DEFB129: variants seen among roughly 807,000 people sequenced by gnomAD.
The protein encoded by DEFB129 is beta-defensin 129.
In DEFB129, 2 loss-of-function variants were observed where a neutral mutation model predicts 2.5. That is an observed-to-expected ratio of 0.80 (90% CI 0.33 to 2.53). The LOEUF is 2.53. Among genes scored for constraint, DEFB129 ranks in the 30% most tolerant of loss-of-function variants. The pLI, the probability that DEFB129 is intolerant of heterozygous loss-of-function variation, is 0.11. For synonymous variants in DEFB129, 76 were observed against 74.4 expected, an observed-to-expected ratio of 1.02 and a Z score of -0.11; for missense variants, 177 against 216.9, an observed-to-expected ratio of 0.82 and a Z score of 1.16.
At chr20:227,765 A>G (rs772594619) in intron 1 of DEFB129, among the ~76,000 whole-genome samples, 5 of 151,516 alleles carry the variant, frequency 3.3e-5, no homozygotes, top group African/African-American at 4.9e-5. Flanking sequence ...AATGTGTGTC[A>G]TGGTTATTTG....
Position 227,409 on chromosome 20 carries a change from G to T in DEFB129, c.58+63G>T, listed in dbSNP as rs1458110439. 70 of 1,578,082 alleles carry T rather than the reference G, an allele frequency of 4.4e-5. No homozygotes were observed. In the Admixed American group the frequency reaches 1.1e-3, roughly 24 times the overall value. ...AGGAACCAAGGATTTGGCTGCCCAT[G>T]ACAATGGAAACCCAAAGAGAGGAGA... On this transcript the variant is annotated intron_variant, in intron 1 of 1. Transcript: ENST00000246105.
chr20:229,245 C>T, intron 1 of DEFB129, 33 bp from the exon 2 acceptor site: 1 of 1,540,836 alleles, frequency 6.5e-7, no homozygotes, highest in South Asian at 1.3e-5. Flanking sequence ...AGTTATTAAC[C>T]TTGGCTCAAT....
Position 227,286 on chromosome 20 carries a change from A to G in DEFB129, c.-3A>G, listed in dbSNP as rs1194385302. 1.9e-6 allele frequency: 3 copies of G among 1,614,100 alleles called. No individual in the cohort carries two copies. Among genetic ancestry groups the G allele is most frequent in the South Asian group, 1.1e-5 (1 of 91,080 alleles). On this transcript the variant is annotated 5_prime_UTR_variant, in exon 1 of 2. Coordinates refer to ENST00000246105, the MANE Select transcript of DEFB129 (RefSeq NM_080831.4). ...TTCAAGGCTTCCTCTCTGGCACCCA[A>G]CCATGAAGCTCCTTTTTCCTATCTT...
At chr20:228,192 A>G (rs1266453118) in intron 1 of DEFB129, among the ~76,000 whole-genome samples, 3 of 152,242 alleles carry the variant, frequency 2.0e-5, no homozygotes, top group Non-Finnish European at 4.4e-5. Flanking sequence ...GAATACAAGA[A>G]TCATCCAGCT....
At chr20:228,204 T>C (rs766448515) in intron 1 of DEFB129, among the ~76,000 whole-genome samples, 7 of 152,204 alleles carry the variant, frequency 4.6e-5, no homozygotes, top group Non-Finnish European at 8.8e-5. Context: ...CATCCAGCTA[T>C]TTGAAAAAAT....
intron 1 of DEFB129, 102 bp from the exon 2 acceptor site, chr20:229,176 T>C (rs1449462471): frequency 1.4e-6 from 2 of 1,428,126 alleles, no homozygotes; most frequent in African/African-American, 2.9e-5. Context: ...TAAAATGTAG[T>C]ATGAGTAAAC....
Position 229,283 on chromosome 20 carries a change from A to G in DEFB129, c.64A>G (p.Ile22Val). 1 of 1,570,908 alleles carries G rather than the reference A, an allele frequency of 6.4e-7. No homozygotes were observed. Among genetic ancestry groups the G allele is most frequent in the East Asian group, 2.2e-5 (1 of 44,664 alleles). ...CTTTCTCTTTTTTTATACAGAATTTATTGGCTTGAGACGCTGTTTAATGGG... is the reference window on the plus strand; with the variant it reads ...CTTTCTCTTTTTTTATACAGAATTTGTTGGCTTGAGACGCTGTTTAATGGG... ...MLQYQVNTEFIGLRRCLMGLG... is the reference protein window; with the variant it reads ...MLQYQVNTEFVGLRRCLMGLG... The change falls in exon 2 of 2, where the codon ATT (isoleucine) becomes GTT (valine). Residue 22 changes from isoleucine (I) to valine (V), a missense_variant. Coordinates refer to ENST00000246105, the MANE Select transcript of DEFB129 (RefSeq NM_080831.4).
In DEFB129 at chr20:229,775, G is replaced by A. The variant is rs1228023749; in HGVS notation, c.*4G>A. ...AGAGGAAGCAGAAGAGCAGTAATGT[G>A]GATCTTTCCCTTAAAACTCCAAGTT... On this transcript the variant is annotated 3_prime_UTR_variant, in exon 2 of 2. Transcript: ENST00000246105. 2.5e-6 allele frequency: 4 copies of A among 1,598,754 alleles called. No homozygotes were observed. Among genetic ancestry groups the A allele is most frequent in the Non-Finnish European group, 3.4e-6 (4 of 1,175,944 alleles).
In DEFB129 at chr20:229,597, C is replaced by T. The variant is rs770733738; in HGVS notation, c.378C>T (p.Asn126=). ...FVIIPNATPM[N]SATISTMTPG... The stretch of plus-strand genomic sequence containing the variant: ...TCATTCCAAATGCCACCCCTATGAA[C>T]TCTGCCACCATCAGCACTATGACCC... Residue 126 remains asparagine, a synonymous_variant, in exon 2 of 2, where the codon AAC becomes AAT. Transcript: ENST00000246105. 1.4e-5 allele frequency: 23 copies of T among 1,614,050 alleles called. No homozygotes were observed. Among genetic ancestry groups the T allele is most frequent in the Admixed American group, 1.2e-4 (7 of 60,004 alleles).
chr20:229,783 C>T lies in DEFB129; in HGVS notation c.*12C>T, dbSNP rs773582497. The stretch of plus-strand genomic sequence containing the variant: ...CAGAAGAGCAGTAATGTGGATCTTT[C>T]CCTTAAAACTCCAAGTTCCTCTCTA... On this transcript the variant is annotated 3_prime_UTR_variant, in exon 2 of 2. Coordinates refer to ENST00000246105, the MANE Select transcript of DEFB129 (RefSeq NM_080831.4). 2 of 1,594,196 alleles carry T rather than the reference C, an allele frequency of 1.3e-6. No homozygotes were observed. Among genetic ancestry groups the T allele is most frequent in the South Asian group, 2.2e-5 (2 of 89,414 alleles).
chr20:227,569 G>A (rs1055598995), intron 1 of DEFB129, among the ~76,000 whole-genome samples: 3 of 152,056 alleles, frequency 2.0e-5, no homozygotes, highest in African/African-American at 7.2e-5. Flanking sequence ...GAGAAAGCAG[G>A]GTATTTTTTG....
chr20:229,610 A>C lies in DEFB129; in HGVS notation c.391A>C (p.Ser131Arg), dbSNP rs745507951. The change falls in exon 2 of 2, where the codon AGC (serine) becomes CGC (arginine). Residue 131 changes from serine (S) to arginine (R), a missense_variant. By Grantham distance (110) the Ser-to-Arg change is moderately radical. Transcript: ENST00000246105. ...NATPMNSATI[S>R]TMTPGQITYT... ...CACCCCTATGAACTCTGCCACCATC[A>C]GCACTATGACCCCAGGACAGATCAC... 2.5e-6 allele frequency: 4 copies of C among 1,614,052 alleles called. No homozygotes were observed. Among genetic ancestry groups the C allele is most frequent in the Non-Finnish European group, 3.4e-6 (4 of 1,180,038 alleles).
chr20:228,393 TG>T (rs1300456581), intron 1 of DEFB129, among the ~76,000 whole-genome samples: 1 of 152,344 alleles, frequency 6.6e-6, no homozygotes, highest in South Asian at 2.1e-4. Context: ...ATGAGTATAA[TG>T]GGGTTAATCA....
chr20:228,124 G>A (rs2011302038), intron 1 of DEFB129, among the ~76,000 whole-genome samples: 1 of 152,172 alleles, frequency 6.6e-6, no homozygotes, highest in Admixed American at 6.5e-5. Context: ...AAAAGGCTAA[G>A]CCAGGGGATT....
Position 229,315 on chromosome 20 carries a change from G to A in DEFB129, c.96G>A (p.Gly32=), listed in dbSNP as rs1265382392. Residue 32 remains glycine (G), a synonymous_variant, in exon 2 of 2, where the codon GGG becomes GGA. Coordinates refer to ENST00000246105, the MANE Select transcript of DEFB129 (RefSeq NM_080831.4). ...TGAGACGCTGTTTAATGGGTTTGGGGAGATGCAGGGATCACTGCAATGTGG... is the reference window on the plus strand; with the variant it reads ...TGAGACGCTGTTTAATGGGTTTGGGAAGATGCAGGGATCACTGCAATGTGG... ...IGLRRCLMGL[G]RCRDHCNVDE... is the part of the protein sequence containing the mutation. 5.0e-6 allele frequency: 8 copies of A among 1,611,382 alleles called. No individual in the cohort carries two copies. Among genetic ancestry groups the A allele is most frequent in the Non-Finnish European group, 4.2e-6 (5 of 1,179,024 alleles).
chr20:227,703 T>TAA (rs368703341), intron 1 of DEFB129, among the ~76,000 whole-genome samples: 2 of 151,722 alleles, frequency 1.3e-5, no homozygotes, highest in African/African-American at 4.8e-5. Context: ...CCTTTTTTTT[T>TAA]AAAAAAAGTC....
chr20:229,814 G>A lies in DEFB129; in HGVS notation c.*43G>A, dbSNP rs2011321983. 1 of 1,568,440 alleles carries A rather than the reference G, an allele frequency of 6.4e-7. No homozygotes were observed. Among genetic ancestry groups the A allele is most frequent in the Non-Finnish European group, 8.6e-7 (1 of 1,164,582 alleles). The stretch of plus-strand genomic sequence containing the variant: ...AAACTCCAAGTTCCTCTCTATTTTT[G>A]CTATCTATAAAATGACATAGAACTG... On this transcript the variant is annotated 3_prime_UTR_variant, in exon 2 of 2. Transcript: ENST00000246105.
chr20:227,330 G>A lies in DEFB129; in HGVS notation c.42G>A (p.Gln14=). The change falls in exon 1 of 2, where the codon CAG becomes CAA. Residue 14 remains glutamine (Q), a synonymous_variant. Coordinates refer to ENST00000246105, the MANE Select transcript of DEFB129 (RefSeq NM_080831.4). The part of the protein sequence containing the change: ...LFPIFASLML[Q]YQVNTEFIGL... ...CTATCTTTGCCAGCCTCATGCTACA[G>A]TACCAGGTGAACACAGGTAATGTGG... The A allele has an allele frequency of 6.2e-7, 1 of 1,614,134 alleles. No homozygotes were observed. Among genetic ancestry groups the A allele is most frequent in the South Asian group, 1.1e-5 (1 of 91,078 alleles).
intron 1 of DEFB129, 94 bp from the exon 2 acceptor site, chr20:229,184 A>C (rs1044976929): frequency 9.6e-6 from 14 of 1,465,560 alleles, no homozygotes; most frequent in Admixed American, 4.6e-5. Flanking sequence ...AGTATGAGTA[A>C]ACTCTCTCTT....
Sources: gnomAD v4.1 joint callset for allele counts (sites outside exome capture counted in the v4.1 genomes callset) on GRCh38, gnomAD v4.1.1 for gene constraint, MANE v1.5 for transcripts, NCBI Gene and HGNC (gene_info 2026-07-23, HGNC 2026-07-21) for gene names.